FYN: variants seen among roughly 807,000 people sequenced by gnomAD.
FYN encodes tyrosine-protein kinase Fyn.
Under a neutral mutation model 70.2 loss-of-function variants are expected in FYN, and 10 were observed. That is an observed-to-expected ratio of 0.14 (90% CI 0.09 to 0.24). FYN has a LOEUF of 0.24. Among genes scored for constraint, FYN ranks in the 10% least tolerant of loss-of-function variants. FYN has a pLI of 1.00. For missense variants in FYN, 319 were observed against 673.1 expected, an observed-to-expected ratio of 0.47 and a Z score of 5.82; for synonymous variants, 236 against 248.6, an observed-to-expected ratio of 0.95 and a Z score of 0.48.
intron 2 of FYN, among the ~76,000 whole-genome samples, chr6:111,806,135 T>C (rs1475047781): frequency 6.6e-6 from 1 of 152,202 alleles, no homozygotes; most frequent in East Asian, 1.9e-4. Flanking sequence ...CTAATTTAGA[T>C]TGTAGAAAAC....
At position 111,870,946 on chromosome 6, in the gene FYN, C is replaced by A. The variant is rs183297766; in HGVS notation, c.-123+2022G>T. On this transcript the variant is annotated intron_variant, in intron 1 of 13. Coordinates refer to ENST00000354650, the MANE Select transcript of FYN (RefSeq NM_002037.5). ...TTGTTTTTACAGTACACTCATTAAC[C>A]CTATTGCTTTTTTTATCGTAAAAAG... is the stretch of plus-strand genomic sequence containing the variant. Among the ~76,000 whole-genome samples, 26 of 152,250 alleles carry A rather than the reference C, an allele frequency of 1.7e-4. 1 individual carries two copies. The East Asian group carries it at 4.4e-3, about 26-fold the overall frequency.
intron 2 of FYN, among the ~76,000 whole-genome samples, chr6:111,843,722 A>T (rs529827955): frequency 6.6e-6 from 1 of 152,166 alleles, no homozygotes; most frequent in Non-Finnish European, 1.5e-5. Flanking sequence ...AGGGCCTACT[A>T]TGAGTTAGGC....
At chr6:111,740,035 G>T (rs1423087521) in intron 3 of FYN, among the ~76,000 whole-genome samples, 1 of 149,452 alleles carries the variant, frequency 6.7e-6, no homozygotes, top group Admixed American at 6.8e-5. Context: ...TGTTGGCCAG[G>T]CTGGTCTTGA....
chr6:111,744,488 G>A (rs1421571954), intron 3 of FYN, among the ~76,000 whole-genome samples: 5 of 152,194 alleles, frequency 3.3e-5, no homozygotes, highest in Non-Finnish European at 7.3e-5. Flanking sequence ...AGGGCACTCA[G>A]CTGGAAAGAT....
intron 2 of FYN, among the ~76,000 whole-genome samples, chr6:111,801,370 T>C (rs1771978824): frequency 6.6e-6 from 1 of 152,226 alleles, no homozygotes; most frequent in African/African-American, 2.4e-5. Flanking sequence ...ACATTTTATT[T>C]AGAATTAGGT....
intron 3 of FYN, among the ~76,000 whole-genome samples, chr6:111,761,654 C>A (rs1482987556): frequency 6.6e-6 from 1 of 152,162 alleles, no homozygotes; most frequent in Non-Finnish European, 1.5e-5. Context: ...CCACAGCAGT[C>A]TAAAACCAGA....
intron 3 of FYN, among the ~76,000 whole-genome samples, chr6:111,729,924 T>C (rs1224960361): frequency 6.6e-6 from 1 of 152,226 alleles, no homozygotes; most frequent in Non-Finnish European, 1.5e-5. Context: ...TGAGAATAAA[T>C]CACCTTTATT....
intron 1 of FYN, among the ~76,000 whole-genome samples, chr6:111,861,088 C>T (rs947365859): frequency 1.3e-4 from 20 of 152,276 alleles, no homozygotes; most frequent in African/African-American, 4.8e-4. Context: ...CAATGTATCA[C>T]CTGCATGAAG....
At chr6:111,822,899 G>T (rs113450579) in intron 2 of FYN, among the ~76,000 whole-genome samples, 23 of 152,164 alleles carry the variant, frequency 1.5e-4, no homozygotes, top group African/African-American at 5.5e-4. Context: ...GAAAGGGCTT[G>T]TCACACAAGA....
chr6:111,817,956 A>G (rs1772541701), intron 2 of FYN, among the ~76,000 whole-genome samples: 1 of 152,236 alleles, frequency 6.6e-6, no homozygotes, highest in South Asian at 2.1e-4. Flanking sequence ...AGCAAGAGTC[A>G]GGGCCAACAA....
chr6:111,845,146 T>G (rs1188755249), intron 2 of FYN, among the ~76,000 whole-genome samples: 1 of 152,242 alleles, frequency 6.6e-6, no homozygotes, highest in Non-Finnish European at 1.5e-5. Flanking sequence ...CTGCCTGAGT[T>G]GGACAGGGGA....
At chr6:111,747,941 G>A (rs1279072538) in intron 3 of FYN, among the ~76,000 whole-genome samples, 1 of 152,210 alleles carries the variant, frequency 6.6e-6, no homozygotes, top group African/African-American at 2.4e-5. Flanking sequence ...CAGCCTCAGC[G>A]TCTATACTCA....
At chr6:111,835,653 A>G (rs1406548689) in intron 2 of FYN, among the ~76,000 whole-genome samples, 1 of 152,152 alleles carries the variant, frequency 6.6e-6, no homozygotes, top group East Asian at 1.9e-4. Context: ...TAAGGTGGGC[A>G]CGTAAAAGAA....
At chr6:111,686,267 A>G (rs998899249) in intron 12 of FYN, among the ~76,000 whole-genome samples, 3 of 152,190 alleles carry the variant, frequency 2.0e-5, no homozygotes, top group Non-Finnish European at 2.9e-5. Context: ...TTGAAGCGAC[A>G]GAATACAAAT....
chr6:111,852,479 T>C (rs901829410), intron 1 of FYN, among the ~76,000 whole-genome samples: 2 of 152,044 alleles, frequency 1.3e-5, no homozygotes, highest in African/African-American at 4.8e-5. Context: ...TAAAGGGTGG[T>C]AGAGAAGTGG....
intron 2 of FYN, among the ~76,000 whole-genome samples, chr6:111,821,547 G>A (rs1438427000): frequency 6.6e-6 from 1 of 152,078 alleles, no homozygotes; most frequent in African/African-American, 2.4e-5. Context: ...GAAAACCTAG[G>A]CAATACCATT....
chr6:111,700,751 T>A (rs572929513), intron 8 of FYN, among the ~76,000 whole-genome samples: 8 of 152,366 alleles, frequency 5.3e-5, no homozygotes, highest in African/African-American at 1.9e-4. Flanking sequence ...CCACCTTTAG[T>A]ATCTAGATTA....
chr6:111,780,976 C>T (rs1771149887), intron 2 of FYN: 3 of 152,192 alleles, frequency 2.0e-5, no homozygotes, highest in South Asian at 4.1e-4. Context: ...TTCCCCCAAA[C>T]CAATTCCTCT....
At chr6:111,762,031 G>C (rs1267731247) in intron 3 of FYN, among the ~76,000 whole-genome samples, 1 of 152,172 alleles carries the variant, frequency 6.6e-6, no homozygotes, top group Non-Finnish European at 1.5e-5. Flanking sequence ...TCCGTGAGAA[G>C]GAACAGCTTC....
Sources: allele counts gnomAD v4.1 joint callset (sites outside exome capture counted in the v4.1 genomes callset), GRCh38; gene constraint gnomAD v4.1.1; transcripts MANE v1.5; gene names NCBI Gene and HGNC (gene_info 2026-07-23, HGNC 2026-07-21).